The following RAB6A variants were observed in gnomAD, a reference collection of about 807,000 sequenced individuals.
The protein encoded by RAB6A is ras-related protein Rab-6A.
Under a neutral mutation model 32.3 loss-of-function variants are expected in RAB6A, and 8 were observed. The observed-to-expected ratio is 0.25, with a 90% CI of 0.15 to 0.45. RAB6A has a LOEUF of 0.45. Ranked by LOEUF, RAB6A falls within the 20% of genes least tolerant of loss-of-function variation. The probability of loss-of-function intolerance (pLI) is 1.00; values close to 1 mark genes in which losing one functional copy is unlikely to be tolerated. For missense variants in RAB6A, 104 were observed against 249.4 expected, an observed-to-expected ratio of 0.42 and a Z score of 3.93; for synonymous variants, 73 against 82.1, an observed-to-expected ratio of 0.89 and a Z score of 0.60.
At chr11:73,689,694 T>C (rs1212385090) in intron 6 of RAB6A, among the ~76,000 whole-genome samples, 1 of 152,200 alleles carries the variant, frequency 6.6e-6, no homozygotes, top group Non-Finnish European at 1.5e-5. Flanking sequence ...TGGGTTGTCC[T>C]ACCTTTCCAG....
rs1027021077 is a variant in RAB6A, at chr11:73,681,134, T to G, written c.496-1414A>C. Among the ~76,000 whole-genome samples the G allele has an allele frequency of 3.9e-5, 6 of 152,204 alleles. 1 individual carries two copies. Among genetic ancestry groups the G allele is most frequent in the Non-Finnish European group, 8.8e-5 (6 of 68,032 alleles). Reference sequence around the variant, plus strand: ...CCAAGTACTTGCTTACTTGAGGCAGTGTATCAGGCAGCCTCATTCTGTGTC... The same window carrying G: ...CCAAGTACTTGCTTACTTGAGGCAGGGTATCAGGCAGCCTCATTCTGTGTC... On this transcript the variant is annotated intron_variant, in intron 6 of 7. Coordinates refer to ENST00000336083, the MANE Select transcript of RAB6A (RefSeq NM_198896.2).
At chr11:73,702,959 T>C (rs1336539350) in intron 6 of RAB6A, among the ~76,000 whole-genome samples, 1 of 151,854 alleles carries the variant, frequency 6.6e-6, no homozygotes, top group South Asian at 2.1e-4. Flanking sequence ...TGGGTTCAAG[T>C]GATTCTCTTG....
At chr11:73,678,530 T>G (rs1945301761) in intron 7 of RAB6A, among the ~76,000 whole-genome samples, 1 of 151,402 alleles carries the variant, frequency 6.6e-6, no homozygotes, top group East Asian at 2.0e-4. Flanking sequence ...GGCAGGAGAA[T>G]CACTTGAATT....
Position 73,740,921 on chromosome 11 carries a change from T to C in RAB6A, c.71-10098A>G, listed in dbSNP as rs149118272. ...AGAAAAAAAAAAACTACACTACACCTGTACAGTCGTATTTAAAAATGGAGA... is the reference window on the plus strand; with the variant it reads ...AGAAAAAAAAAAACTACACTACACCCGTACAGTCGTATTTAAAAATGGAGA... On this transcript the variant is annotated intron_variant, in intron 1 of 7. Transcript: ENST00000336083. Among the ~76,000 whole-genome samples the C allele has an allele frequency of 3.7e-3, 560 of 151,804 alleles. 15 individuals are homozygous for C. Among genetic ancestry groups the C allele is most frequent in the Admixed American group, 0.032 (490 of 15,200 alleles).
intron 4 of RAB6A, among the ~76,000 whole-genome samples, chr11:73,717,253 T>C (rs181233753): frequency 5.1e-4 from 77 of 152,376 alleles, no homozygotes; most frequent in African/African-American, 1.8e-3. Flanking sequence ...ATTGAGGAGA[T>C]ATGCAAGAAT....
intron 4 of RAB6A, 85 bp downstream of exon 4, chr11:73,718,528 G>A (rs1946086270): frequency 6.9e-6 from 8 of 1,159,406 alleles, no homozygotes; most frequent in African/African-American, 1.5e-5. Flanking sequence ...ATGCCAGTAA[G>A]GAAAACAAGC....
intron 1 of RAB6A, among the ~76,000 whole-genome samples, chr11:73,736,824 A>AAAAAAAAAAAC (rs1555066487): frequency 6.9e-6 from 1 of 144,600 alleles, no homozygotes. Context: ...AAAAAAAAAA[A>AAAAAAAAAAAC]AACAATTAGC....
intron 6 of RAB6A, among the ~76,000 whole-genome samples, chr11:73,700,882 A>G (rs12576616): frequency 0.2 from 30,623 of 152,080 alleles, 3,186 homozygotes; most frequent in East Asian, 0.25. Flanking sequence ...GGTTAAGCAC[A>G]GGACATTTTT....
At chr11:73,709,826 TATATAC>T (rs1324559986) in intron 5 of RAB6A, among the ~76,000 whole-genome samples, 86 of 127,704 alleles carry the variant, frequency 6.7e-4, no homozygotes, top group African/African-American at 2.1e-3. Context: ...TTCATGCATA[TATATAC>T]ATATATACAC....
Position 73,734,567 on chromosome 11 carries a change from C to T in RAB6A, c.71-3744G>A, listed in dbSNP as rs183772580. On this transcript the variant is annotated intron_variant, in intron 1 of 7. Coordinates refer to ENST00000336083, the MANE Select transcript of RAB6A (RefSeq NM_198896.2). ...TTCTGTGGGAGTTGGGGAGGAGGAA[C>T]GGTGGATGGTTTCAGGATGAAACTG... Among the ~76,000 whole-genome samples the T allele has an allele frequency of 6.6e-5, 10 of 152,262 alleles. No homozygotes were observed. The East Asian group carries it at 1.3e-3, about 21-fold the overall frequency.
At chr11:73,710,653 C>T (rs1945941867) in intron 5 of RAB6A, among the ~76,000 whole-genome samples, 1 of 151,912 alleles carries the variant, frequency 6.6e-6, no homozygotes, top group Non-Finnish European at 1.5e-5. Flanking sequence ...AGGAGAATCA[C>T]TTAAACCCAG....
chr11:73,723,548 C>T (rs1333552567), intron 2 of RAB6A, among the ~76,000 whole-genome samples: 3 of 151,924 alleles, frequency 2.0e-5, no homozygotes, highest in South Asian at 4.2e-4. Flanking sequence ...AGGCTGGTCT[C>T]GAACTCCTGA....
chr11:73,719,052 C>A (rs139187217), intron 3 of RAB6A, among the ~76,000 whole-genome samples: 168 of 152,214 alleles, frequency 1.1e-3, no homozygotes, highest in Middle Eastern at 3.4e-3. Flanking sequence ...ACACAAAACT[C>A]CTTTTTCAAA....
chr11:73,752,574 T>C (rs973069381), intron 1 of RAB6A, among the ~76,000 whole-genome samples: 2 of 152,206 alleles, frequency 1.3e-5, no homozygotes, highest in Non-Finnish European at 2.9e-5. Flanking sequence ...CCTAGCACTC[T>C]GGGAGACCGA....
intron 2 of RAB6A, among the ~76,000 whole-genome samples, chr11:73,727,482 C>G (rs1228538820): frequency 2.0e-5 from 3 of 151,496 alleles, no homozygotes; most frequent in African/African-American, 7.3e-5. Context: ...AGTCACCATC[C>G]ATAGGGATTA....
chr11:73,703,441 T>G (rs898109042), intron 6 of RAB6A, among the ~76,000 whole-genome samples: 1 of 152,200 alleles, frequency 6.6e-6, no homozygotes, highest in African/African-American at 2.4e-5. Flanking sequence ...CAGAATAAAC[T>G]GACAATTAAA....
chr11:73,748,505 T>C (rs548586522), intron 1 of RAB6A, among the ~76,000 whole-genome samples: 1 of 152,250 alleles, frequency 6.6e-6, no homozygotes, highest in African/African-American at 2.4e-5. Context: ...GAGTGAGACC[T>C]TGTCTCTAAA....
rs760655546 is a variant in RAB6A at position 73,716,339 on chromosome 11, T to C, written c.313A>G (p.Thr105Ala). Reference protein sequence around the residue: ...ITNVNSFQQTTKWIDDVRTER... With the variant: ...ITNVNSFQQTAKWIDDVRTER... ...GTTCTGACATCATCAATCCACTTTG[T>C]AGTTTGCTGGAATGAGTTAACATCT... is the stretch of plus-strand genomic sequence containing the variant. The change falls in exon 5 of 8, where the codon ACA (threonine) becomes GCA (alanine). Residue 105 changes from threonine to alanine, a missense_variant. Transcript: ENST00000336083. 3.1e-6 allele frequency: 5 copies of C among 1,612,888 alleles called. No homozygotes were observed. In the African/African-American group the frequency reaches 4.0e-5, roughly 13 times the overall value.
At chr11:73,687,862 A>G (rs1754236203) in intron 6 of RAB6A, among the ~76,000 whole-genome samples, 1 of 151,788 alleles carries the variant, frequency 6.6e-6, no homozygotes, top group Admixed American at 6.6e-5. Flanking sequence ...CATCTCAAGA[A>G]AAAAAAAGAA....
Sources: gnomAD v4.1 joint callset for allele counts (sites outside exome capture counted in the v4.1 genomes callset) on GRCh38, gnomAD v4.1.1 for gene constraint, MANE v1.5 for transcripts, NCBI Gene and HGNC (gene_info 2026-07-23, HGNC 2026-07-21) for gene names.